ARAF: variants seen among roughly 807,000 people sequenced by gnomAD.
ARAF encodes the protein A-Raf proto-oncogene, serine/threonine kinase, also known as serine/threonine-protein kinase A-Raf.
Under a neutral mutation model 48.0 loss-of-function variants are expected in ARAF, and 18 were observed. That is an observed-to-expected ratio of 0.37 (90% CI 0.26 to 0.56). The LOEUF (loss-of-function observed/expected upper bound fraction) is 0.56, where lower values mean the gene tolerates loss of function less well. Ranked by LOEUF, ARAF falls within the 20% of genes least tolerant of loss-of-function variation. ARAF has a pLI of 0.77. For missense variants in ARAF, 389 were observed against 543.1 expected, an observed-to-expected ratio of 0.72 and a Z score of 2.82; for synonymous variants, 207 against 220.1, an observed-to-expected ratio of 0.94 and a Z score of 0.53.
In ARAF at chrX:47,571,428, C is replaced by T; in HGVS notation, c.1792C>T (p.Leu598=). The change falls in exon 16 of 16, where the codon CTA becomes TTA. Residue 598 remains leucine, a synonymous_variant. Coordinates refer to ENST00000377045, the MANE Select transcript of ARAF (RefSeq NM_001654.5). Reference sequence around the variant, plus strand: ...CCAGGCCGATGAGTTGCCTGCCTGCCTACTCAGCGCAGCCCGCCTTGTGCC... The same window carrying T: ...CCAGGCCGATGAGTTGCCTGCCTGCTTACTCAGCGCAGCCCGCCTTGTGCC... ...RTQADELPAC[L]LSAARLVP is the part of the protein sequence containing the mutation. The T allele has an allele frequency of 8.3e-7, 1 of 1,207,345 alleles. No homozygotes were observed. The highest frequency in any genetic ancestry group is 1.1e-6 in the Non-Finnish European group (1 of 893,424).
At chrX:47,565,571 T>C (rs1356596386) in intron 6 of ARAF, 2 of 489,285 alleles carry the variant, frequency 4.1e-6, no homozygotes, top group Non-Finnish European at 6.2e-6. Flanking sequence ...CTTTCTACCA[T>C]ATAAAGGTTC....
intron 3 of ARAF, among the ~76,000 whole-genome samples, chrX:47,564,032 A>T (rs1330419330): frequency 8.9e-6 from 1 of 112,278 alleles, no homozygotes; most frequent in Non-Finnish European, 1.9e-5. Context: ...GAATGCACGT[A>T]ATTTAAAACT....
chrX:47,565,816 A>G (rs909452014), intron 6 of ARAF: 6 of 142,072 alleles, frequency 4.2e-5, no homozygotes, highest in Non-Finnish European at 6.1e-5. Flanking sequence ...AACTATAGCT[A>G]TATTAAAATA....
chrX:47,565,036 C>A lies in ARAF; in HGVS notation c.355C>A (p.Leu119Met), dbSNP rs756483901. The change falls in exon 5 of 16, where the codon CTG becomes ATG. Residue 119 changes from leucine (L) to methionine (M), a missense_variant. Leu to Met is a conservative substitution (Grantham distance 15). Transcript: ENST00000377045. ...GTTCTGTGACTTCTGCCTTAAGTTT[C>A]TGTTCCATGGCTTCCGTTGCCAAAC... is the stretch of plus-strand genomic sequence containing the variant. Reference protein sequence around the residue: ...LAFCDFCLKFLFHGFRCQTCG... With the variant: ...LAFCDFCLKFMFHGFRCQTCG... 4 of 1,210,140 alleles carry A rather than the reference C, an allele frequency of 3.3e-6. No individual in the cohort carries two copies. In the African/African-American group the frequency reaches 7.0e-5, roughly 21 times the overall value.
At position 47,566,865 on chromosome X, in the gene ARAF, C is replaced by A; in HGVS notation, c.700-19C>A. The A allele has an allele frequency of 1.7e-6, 2 of 1,211,648 alleles. No individual in the cohort carries two copies. The highest frequency in any genetic ancestry group is 1.1e-6 in the Non-Finnish European group (1 of 895,510). On this transcript the variant is annotated intron_variant, in intron 7 of 15. Transcript: ENST00000377045. ...TGGCCTCCATGCCCTCTTTTTGACT[C>A]CTGTCCCTCTTCTTCTAGCTCACTG...
At chrX:47,570,124 C>A in intron 14 of ARAF, 100 bp downstream of exon 14, 1 of 985,810 alleles carries the variant, frequency 1.0e-6, no homozygotes, top group Non-Finnish European at 1.3e-6. Context: ...GCCACACTTT[C>A]CCCAGAAACC....
intron 3 of ARAF, 118 bp from the exon 4 acceptor site, chrX:47,564,679 A>G: frequency 1.8e-6 from 1 of 554,213 alleles, no homozygotes; most frequent in Non-Finnish European, 3.0e-6. Context: ...TGTGATGAGA[A>G]TTAAACATGC....
chrX:47,562,501 G>GAAAAAAAAAAAAAAAAA (rs751373820), intron 1 of ARAF, among the ~76,000 whole-genome samples: 1 of 67,347 alleles, frequency 1.5e-5, no homozygotes, highest in Non-Finnish European at 3.1e-5. Flanking sequence ...AAAAAAAACA[G>GAAAAAAAAAAAAAAAAA]AAAAAAAAAA....
chrX:47,567,370 C>T lies in ARAF; in HGVS notation c.1014C>T (p.Leu338=), dbSNP rs2057738365. Reference sequence around the variant, plus strand: ...ATGGCGATGTGGCCGTGAAGGTGCTCAAGGTGTCCCAGCCCACAGCTGAGC... The same window carrying T: ...ATGGCGATGTGGCCGTGAAGGTGCTTAAGGTGTCCCAGCCCACAGCTGAGC... ...RWHGDVAVKV[L]KVSQPTAEQA... Residue 338 remains leucine, a synonymous_variant, in exon 10 of 16, where the codon CTC becomes CTT. Transcript: ENST00000377045. The T allele has an allele frequency of 8.3e-7, 1 of 1,209,952 alleles. No homozygotes were observed. Among genetic ancestry groups the T allele is most frequent in the Non-Finnish European group, 1.1e-6 (1 of 894,763 alleles).
At chrX:47,570,334 T>C in intron 14 of ARAF, 1 of 233,591 alleles carries the variant, frequency 4.3e-6, no homozygotes, top group African/African-American at 2.8e-5. Context: ...GCCCTCTGTA[T>C]CCCTAGACGC....
chrX:47,571,688 G>C lies in ARAF; in HGVS notation c.*231G>C. 2.3e-6 allele frequency: 1 copy of C among 426,616 alleles called. No homozygotes were observed. The highest frequency in any genetic ancestry group is 4.6e-5 in the South Asian group (1 of 21,699). The allele number at this position is 426,616 out of a possible 1,213,427, so 35.2% of individuals were successfully genotyped here. On this transcript the variant is annotated 3_prime_UTR_variant, in exon 16 of 16. Transcript: ENST00000377045. The stretch of plus-strand genomic sequence containing the variant: ...ATCATTTGGTTTCCTCTTGGCTTTG[G>C]GGATACTTCTAAATTTTGGGAGCTC...
chrX:47,569,994 G>T lies in ARAF; in HGVS notation c.1521G>T (p.Leu507=). 8.3e-7 allele frequency: 1 copy of T among 1,205,676 alleles called. No individual in the cohort carries two copies. ...VVLYELMTGS[L]PYSHIGCRDQ... is the part of the protein sequence containing the mutation. ...TCTACGAGCTTATGACTGGCTCACT[G>T]CCTTACAGCCACATTGGCTGCCGTG... Residue 507 remains leucine, a synonymous_variant, in exon 14 of 16, where the codon CTG becomes CTT. Transcript: ENST00000377045.
At chrX:47,561,527 C>G (rs2057708104) in intron 1 of ARAF, among the ~76,000 whole-genome samples, 1 of 111,747 alleles carries the variant, frequency 8.9e-6, no homozygotes, top group Non-Finnish European at 1.9e-5. Flanking sequence ...TAGGCGGGAC[C>G]CGACCGAGTG....
At chrX:47,564,758 A>G in intron 3 of ARAF, 39 bp from the exon 4 acceptor site, 4 of 1,122,305 alleles carry the variant, frequency 3.6e-6, no homozygotes, top group African/African-American at 1.8e-5. Context: ...CATGGCCCCT[A>G]CCCAACCTCC....
At chrX:47,570,557 C>T (rs1232390568) in intron 14 of ARAF, among the ~76,000 whole-genome samples, 4 of 110,676 alleles carry the variant, frequency 3.6e-5, no homozygotes, top group Non-Finnish European at 7.6e-5. Context: ...CACAGAAGTA[C>T]AAGCTCCCCC....
intron 6 of ARAF, among the ~76,000 whole-genome samples, chrX:47,566,224 C>T (rs2057732015): frequency 9.0e-6 from 1 of 111,331 alleles, no homozygotes; most frequent in Non-Finnish European, 1.9e-5. Context: ...TTACCCTTTC[C>T]CCACTATCTG....
intron 14 of ARAF, 66 bp from the exon 15 acceptor site, chrX:47,570,811 CA>C: frequency 3.6e-6 from 4 of 1,121,861 alleles, no homozygotes; most frequent in Non-Finnish European, 4.8e-6. Flanking sequence ...TCCCTCAATA[CA>C]AAATTCCTTG....
chrX:47,567,729 T>G (rs888717016), intron 10 of ARAF, among the ~76,000 whole-genome samples: 1 of 111,187 alleles, frequency 9.0e-6, no homozygotes, highest in African/African-American at 3.3e-5. Context: ...GCCACCATTC[T>G]TGTTACTGCA....
chrX:47,571,121 GT>G, intron 15 of ARAF, 109 bp downstream of exon 15: 3 of 943,963 alleles, frequency 3.2e-6, no homozygotes, highest in Non-Finnish European at 4.3e-6. Flanking sequence ...GTGTGTGTGT[GT>G]GTGTGTGTGT....
Sources: gnomAD v4.1 joint callset for allele counts (sites outside exome capture counted in the v4.1 genomes callset) on GRCh38, gnomAD v4.1.1 for gene constraint, MANE v1.5 for transcripts, NCBI Gene and HGNC (gene_info 2026-07-23, HGNC 2026-07-21) for gene names.